The following MIER2 variants were observed in gnomAD, a reference collection of about 807,000 sequenced individuals.
The protein encoded by MIER2 is MIER family member 2, also known as mesoderm induction early response protein 2.
In MIER2, 30 loss-of-function variants were observed where a neutral mutation model predicts 67.6. The observed-to-expected ratio is 0.44, with a 90% CI of 0.33 to 0.60. The LOEUF is 0.60. MIER2 is among the 20% of genes least tolerant of loss of function. MIER2 has a pLI of 0.02. For missense variants in MIER2, 702 were observed against 745.1 expected, an observed-to-expected ratio of 0.94 and a Z score of 0.67; for synonymous variants, 372 against 312.6, an observed-to-expected ratio of 1.19 and a Z score of -2.00.
intron 7 of MIER2, among the ~76,000 whole-genome samples, chr19:316,332 C>G (rs1221062714): frequency 6.6e-6 from 1 of 151,470 alleles, no homozygotes; most frequent in Admixed American, 6.6e-5. Context: ...TTGCTCTGTC[C>G]CCCAGGCTGG....
At chr19:328,417 C>T (rs1480286932) in intron 3 of MIER2, among the ~76,000 whole-genome samples, 1 of 151,130 alleles carries the variant, frequency 6.6e-6, no homozygotes. Flanking sequence ...GACATCTATT[C>T]CTGATTTGAA....
chr19:341,262 G>C (rs1266084605), intron 1 of MIER2, among the ~76,000 whole-genome samples: 1 of 152,172 alleles, frequency 6.6e-6, no homozygotes, highest in Non-Finnish European at 1.5e-5. Flanking sequence ...CATCAAATGA[G>C]GCCCCAGTCT....
intron 3 of MIER2, among the ~76,000 whole-genome samples, chr19:328,859 A>C (rs568215728): frequency 1.1e-4 from 17 of 152,364 alleles, no homozygotes; most frequent in African/African-American, 4.1e-4. Context: ...CCCCATCACG[A>C]TCTGGAACAA....
At chr19:333,154 G>A (rs1344187238) in intron 3 of MIER2, among the ~76,000 whole-genome samples, 1 of 99,932 alleles carries the variant, frequency 1.0e-5, no homozygotes, top group Non-Finnish European at 1.9e-5. Flanking sequence ...CACTATGCCC[G>A]GCTAATTTTG....
intron 7 of MIER2, among the ~76,000 whole-genome samples, chr19:318,246 TAGAATGGAAAAA>T (rs1361584291): frequency 3.9e-5 from 6 of 151,974 alleles, no homozygotes; most frequent in African/African-American, 1.5e-4. Flanking sequence ...TATAGGAATC[TAGAATGGAAAAA>T]AGAATGGGAA....
chr19:336,237 G>T, intron 1 of MIER2, 64 bp from the exon 2 acceptor site: 1 of 1,380,338 alleles, frequency 7.2e-7, no homozygotes, highest in Non-Finnish European at 1.0e-6. Context: ...ACATCACAGT[G>T]TGGCAGCCAA....
At position 308,622 on chromosome 19, in the gene MIER2, C is replaced by A; in HGVS notation, c.1153G>T (p.Gly385Cys). The change falls in exon 12 of 14, where the codon GGC (glycine) becomes TGC (cysteine). Residue 385 changes from glycine to cysteine, a missense_variant. Around this residue, in one of 3 missense-constraint regions of MIER2, gnomAD observed 254 missense variants for 262.8 expected, o/e 0.97. Transcript: ENST00000264819. This position sits in a 1 kb window ranked among gnomAD's most constrained non-coding sequence, Gnocchi z 9.1. ...DLDGSDPDGPGRPRPEQDTLT... is the reference protein window; with the variant it reads ...DLDGSDPDGPCRPRPEQDTLT... ...GTGTCTTGCTCCGGGCGCGGACGGCCGGGGCCATCGGGGTCGCTGCCATCC... is the reference window on the plus strand; with the variant it reads ...GTGTCTTGCTCCGGGCGCGGACGGCAGGGGCCATCGGGGTCGCTGCCATCC... The A allele has an allele frequency of 1.2e-6, 2 of 1,606,742 alleles. No homozygotes were observed. The highest frequency in any genetic ancestry group is 1.7e-6 in the Non-Finnish European group (2 of 1,177,838).
chr19:329,129 T>C (rs1438590524), intron 3 of MIER2, among the ~76,000 whole-genome samples: 1 of 152,052 alleles, frequency 6.6e-6, no homozygotes, highest in Non-Finnish European at 1.5e-5. Flanking sequence ...CCTCTCATTC[T>C]CTCAAGATGT....
At chr19:343,918 T>C (rs990443208) in intron 1 of MIER2, 27 of 985,334 alleles carry the variant, frequency 2.7e-5, no homozygotes, top group Non-Finnish European at 3.1e-5. Flanking sequence ...AGTTTCTTCC[T>C]TCCTGGTTTG....
intron 1 of MIER2, chr19:340,596 G>A (rs1191865130): frequency 2.0e-5 from 3 of 152,988 alleles, no homozygotes; most frequent in Admixed American, 6.5e-5. Flanking sequence ...GGAAGAGGAG[G>A]GGTTGGTCTT....
Position 332,522 on chromosome 19 carries a change from G to T in MIER2, c.243+1878C>A, listed in dbSNP as rs973331404. Among the ~76,000 whole-genome samples the T allele has an allele frequency of 4.0e-5, 6 of 150,476 alleles. No homozygotes were observed. The South Asian group carries it at 1.3e-3, about 32-fold the overall frequency. ...TCACCATGTTGGCCAGCCTGATCTA[G>T]AACTCCTGACCTCAGGTGATCCACC... On this transcript the variant is annotated intron_variant, in intron 3 of 13. Transcript: ENST00000264819.
At chr19:313,767 C>T (rs2096175747) in intron 7 of MIER2, 124 bp from the exon 8 acceptor site, 3 of 1,369,560 alleles carry the variant, frequency 2.2e-6, no homozygotes, top group Non-Finnish European at 3.0e-6. Flanking sequence ...CTCCCTTTCC[C>T]AAGCCCTGGG....
intron 3 of MIER2, among the ~76,000 whole-genome samples, chr19:329,157 C>G (rs939699505): frequency 1.3e-5 from 2 of 152,170 alleles, no homozygotes; most frequent in Non-Finnish European, 2.9e-5. Flanking sequence ...GGCCTCCCCT[C>G]CACCCCAGCT....
chr19:308,548 C>T lies in MIER2; in HGVS notation c.1198+29G>A. 6.4e-7 allele frequency: 1 copy of T among 1,563,576 alleles called. No individual in the cohort carries two copies. Among genetic ancestry groups the T allele is most frequent in the Non-Finnish European group, 8.7e-7 (1 of 1,154,742 alleles). On this transcript the variant is annotated intron_variant, in intron 12 of 13. Transcript: ENST00000264819. This position sits in a 1 kb window ranked among gnomAD's most constrained non-coding sequence, Gnocchi z 9.1. ...ACGGCTCCAGACCCGTGGCCGCCCCCAGGGCAGGAGATACTCCCCAAGCCT... is the reference window on the plus strand; with the variant it reads ...ACGGCTCCAGACCCGTGGCCGCCCCTAGGGCAGGAGATACTCCCCAAGCCT...
At chr19:317,020 G>A (rs1971264032) in intron 7 of MIER2, among the ~76,000 whole-genome samples, 1 of 152,118 alleles carries the variant, frequency 6.6e-6, no homozygotes. Context: ...AACCTCTAAA[G>A]CGCTAAAACT....
intron 10 of MIER2, among the ~76,000 whole-genome samples, chr19:309,681 A>C (rs1373246211): frequency 1.3e-5 from 1 of 76,718 alleles, no homozygotes. Context: ...CACACACACA[A>C]GGCTTCAGGG....
At chr19:314,690 C>T (rs1971157436) in intron 7 of MIER2, among the ~76,000 whole-genome samples, 1 of 151,960 alleles carries the variant, frequency 6.6e-6, no homozygotes, top group South Asian at 2.1e-4. Flanking sequence ...ACAGGCGACA[C>T]CTGAGCCCTG....
At chr19:331,309 G>T (rs1972010291) in intron 3 of MIER2, among the ~76,000 whole-genome samples, 1 of 148,242 alleles carries the variant, frequency 6.7e-6, no homozygotes, top group African/African-American at 2.5e-5. Flanking sequence ...AGTGAGCCCA[G>T]ATTGCACCAC....
rs768348444 is a variant in MIER2, at chr19:307,333, G to A, written c.1402C>T (p.Pro468Ser). 1 of 1,603,402 alleles carries A rather than the reference G, an allele frequency of 6.2e-7. No homozygotes were observed. The highest frequency in any genetic ancestry group is 8.5e-7 in the Non-Finnish European group (1 of 1,175,836). The change falls in exon 13 of 14, where the codon CCA becomes TCA. Residue 468 changes from proline to serine, a missense_variant. Physicochemically the swap from Pro to Ser is moderately conservative, Grantham distance 74 (BLOSUM62 -1). Around this residue, in one of 3 missense-constraint regions of MIER2, gnomAD observed 254 missense variants for 262.8 expected, o/e 0.97. Coordinates refer to ENST00000264819, the MANE Select transcript of MIER2 (RefSeq NM_017550.3). The stretch of plus-strand genomic sequence containing the variant: ...AGGGCGAAGTCCACGGCCAGCCTTG[G>A]GCTGGCGTCTGGCTCCGGAGCAGTG... ...AVTAPEPDASPRLAVDFALPK... is the reference protein window; with the variant it reads ...AVTAPEPDASSRLAVDFALPK...
Sources: allele counts gnomAD v4.1 joint callset (sites outside exome capture counted in the v4.1 genomes callset), GRCh38; gene constraint gnomAD v4.1.1; regional missense constraint gnomAD v4.1.1; non-coding constraint Gnocchi (gnomAD v3.1); transcripts MANE v1.5; gene names NCBI Gene and HGNC (gene_info 2026-07-23, HGNC 2026-07-21).